Variants in KCNH7 observed in about 807,000 individuals in gnomAD.
KCNH7 encodes voltage-gated inwardly rectifying potassium channel KCNH7.
A neutral mutation model predicts 120.8 loss-of-function variants in KCNH7; 49 were observed. That is an observed-to-expected ratio of 0.41 (90% CI 0.32 to 0.51). The LOEUF is 0.51. Among genes scored for constraint, KCNH7 ranks in the 20% least tolerant of loss-of-function variants. The probability of loss-of-function intolerance (pLI) is 0.38; values close to 1 mark genes in which losing one functional copy is unlikely to be tolerated. For missense variants in KCNH7, 1,097 were observed against 1,446.6 expected (o/e 0.76, Z 3.92); for synonymous variants, 547 against 516.1 (o/e 1.06, Z -0.81).
chr2:162,613,161 G>C (rs1574169685), intron 2 of KCNH7, among the ~76,000 whole-genome samples: 1 of 151,930 alleles, frequency 6.6e-6, no homozygotes, highest in East Asian at 1.9e-4. Flanking sequence ...GGAATCCACA[G>C]TCAGAGGTAT....
At chr2:162,449,880 A>G (rs1276516625) in intron 6 of KCNH7, among the ~76,000 whole-genome samples, 3 of 152,124 alleles carry the variant, frequency 2.0e-5, no homozygotes, top group African/African-American at 7.2e-5. Flanking sequence ...AAATGAAAAC[A>G]CTTGAAAATA....
At chr2:162,401,394 T>C (rs989276074) in intron 9 of KCNH7, among the ~76,000 whole-genome samples, 1 of 151,834 alleles carries the variant, frequency 6.6e-6, no homozygotes, top group Non-Finnish European at 1.5e-5. Context: ...CACTTTGAGG[T>C]GGAGGAATGG....
At chr2:162,396,352 A>T (rs1248037301) in intron 11 of KCNH7, among the ~76,000 whole-genome samples, 1 of 151,828 alleles carries the variant, frequency 6.6e-6, no homozygotes, top group Non-Finnish European at 1.5e-5. Flanking sequence ...ACCAATGTAC[A>T]GTGTAAATAA....
chr2:162,765,878 G>C (rs1034053306), intron 2 of KCNH7, among the ~76,000 whole-genome samples: 2 of 152,034 alleles, frequency 1.3e-5, no homozygotes, highest in Admixed American at 1.3e-4. Context: ...TCCGGCCTCA[G>C]CCTCCCAAGT....
chr2:162,530,841 A>G (rs536156940), intron 3 of KCNH7, among the ~76,000 whole-genome samples: 1 of 152,084 alleles, frequency 6.6e-6, no homozygotes, highest in Non-Finnish European at 1.5e-5. Flanking sequence ...GGTTTGCCAA[A>G]GATGAGAAAA....
intron 2 of KCNH7, among the ~76,000 whole-genome samples, chr2:162,621,252 CTTTTTT>C (rs35494887): frequency 9.6e-5 from 5 of 52,114 alleles, no homozygotes; most frequent in East Asian, 7.0e-4. Context: ...GTATCATCAT[CTTTTTT>C]TTTTTTTTTT....
chr2:162,561,328 T>C (rs1693056937), intron 2 of KCNH7, among the ~76,000 whole-genome samples: 1 of 152,228 alleles, frequency 6.6e-6, no homozygotes, highest in African/African-American at 2.4e-5. Context: ...AATCGACATT[T>C]CATTTTCTTT....
intron 2 of KCNH7, among the ~76,000 whole-genome samples, chr2:162,785,973 T>G (rs1196490848): frequency 6.6e-6 from 1 of 152,286 alleles, no homozygotes; most frequent in Non-Finnish European, 1.5e-5. Context: ...CTGGGCGCGG[T>G]GGCTCATGCC....
At chr2:162,680,787 G>A (rs1685685300) in intron 2 of KCNH7, among the ~76,000 whole-genome samples, 1 of 151,522 alleles carries the variant, frequency 6.6e-6, no homozygotes, top group Admixed American at 6.6e-5. Flanking sequence ...TGTAATACTA[G>A]TGTCTACTTT....
intron 6 of KCNH7, among the ~76,000 whole-genome samples, chr2:162,489,572 A>G (rs1690222400): frequency 6.6e-6 from 1 of 152,202 alleles, no homozygotes; most frequent in South Asian, 2.1e-4. Flanking sequence ...CAAAGTCTCT[A>G]TTTAATCAAA....
At chr2:162,783,683 C>T (rs930795586) in intron 2 of KCNH7, among the ~76,000 whole-genome samples, 2 of 152,204 alleles carry the variant, frequency 1.3e-5, no homozygotes, top group African/African-American at 4.8e-5. Flanking sequence ...CAATGTGAGA[C>T]TAGACTGATT....
At chr2:162,800,757 G>C (rs909497711) in intron 2 of KCNH7, among the ~76,000 whole-genome samples, 3 of 151,792 alleles carry the variant, frequency 2.0e-5, no homozygotes, top group African/African-American at 7.2e-5. Flanking sequence ...CATCAATGTC[G>C]ACCATGAATG....
intron 6 of KCNH7, among the ~76,000 whole-genome samples, chr2:162,451,851 A>T (rs1573974143): frequency 6.6e-6 from 1 of 152,172 alleles, no homozygotes; most frequent in East Asian, 1.9e-4. Context: ...CTATAGCCTC[A>T]CTTGTGCCAT....
chr2:162,376,628 C>G (rs541495325), intron 14 of KCNH7, among the ~76,000 whole-genome samples: 1 of 152,150 alleles, frequency 6.6e-6, no homozygotes, highest in Admixed American at 6.5e-5. Flanking sequence ...TTTCAAAGTG[C>G]TGGGATTACA....
chr2:162,487,123 A>G (rs1229955100), intron 6 of KCNH7, among the ~76,000 whole-genome samples: 1 of 152,144 alleles, frequency 6.6e-6, no homozygotes, highest in Non-Finnish European at 1.5e-5. Context: ...CAATGAAAGT[A>G]AGCTTGTTTC....
intron 5 of KCNH7, among the ~76,000 whole-genome samples, chr2:162,509,386 G>C (rs1188513755): frequency 6.6e-6 from 1 of 151,462 alleles, no homozygotes; most frequent in Admixed American, 6.6e-5. Context: ...ACAGACAAAG[G>C]TTGTTTTTAA....
At chr2:162,736,491 C>T (rs1048635807) in intron 2 of KCNH7, among the ~76,000 whole-genome samples, 2 of 151,972 alleles carry the variant, frequency 1.3e-5, no homozygotes, top group African/African-American at 2.4e-5. Context: ...AGGTGATTTG[C>T]TTTTATAAAG....
At chr2:162,687,521 G>T (rs778113615) in intron 2 of KCNH7, among the ~76,000 whole-genome samples, 1 of 152,038 alleles carries the variant, frequency 6.6e-6, no homozygotes, top group Non-Finnish European at 1.5e-5. Flanking sequence ...TTATTTAACA[G>T]GAAATATGGC....
chr2:162,776,930 T>C (rs1207136836), intron 2 of KCNH7, among the ~76,000 whole-genome samples: 3 of 152,118 alleles, frequency 2.0e-5, no homozygotes, highest in African/African-American at 4.8e-5. Flanking sequence ...GTTTCATATA[T>C]AAGCCCTCTA....
Sources: gnomAD v4.1 joint callset for allele counts (sites outside exome capture counted in the v4.1 genomes callset) on GRCh38, gnomAD v4.1.1 for gene constraint, MANE v1.5 for transcripts, NCBI Gene and HGNC (gene_info 2026-07-23, HGNC 2026-07-21) for gene names.